Variants in SLC18B1 observed in about 807,000 individuals in gnomAD.
SLC18B1 encodes the protein MFS-type transporter SLC18B1.
In SLC18B1, 62 loss-of-function variants were observed where a neutral mutation model predicts 53.9. The ratio of observed to expected loss-of-function variants is 1.15; its 90% confidence interval spans 0.94 to 1.42. The LOEUF (loss-of-function observed/expected upper bound fraction) is 1.42, where lower values mean the gene tolerates loss of function less well. SLC18B1 is among the 40% of genes most tolerant of loss of function. SLC18B1 has a pLI of 0.00. For missense variants in SLC18B1, 598 were observed against 547.3 expected (o/e 1.09, Z -0.93); for synonymous variants, 217 against 200.9 (o/e 1.08, Z -0.68).
chr6:132,798,568 C>G lies in SLC18B1; in HGVS notation c.-112G>C, dbSNP rs1192438623. 8.8e-7 allele frequency: 1 copy of G among 1,131,294 alleles called. No homozygotes were observed. Among genetic ancestry groups the G allele is most frequent in the Non-Finnish European group, 1.2e-6 (1 of 857,802 alleles). The allele number at this position is 1,131,294 out of a possible 1,614,324, so 70.1% of individuals were successfully genotyped here. ...CGGGCGGCCGCTGCTCAGCTGGAACCTGGCATCCCCGACTCCCTGCAGGCA... is the reference window on the plus strand; with the variant it reads ...CGGGCGGCCGCTGCTCAGCTGGAACGTGGCATCCCCGACTCCCTGCAGGCA... On this transcript the variant is annotated 5_prime_UTR_variant, in exon 1 of 14. Transcript: ENST00000275227.
intron 2 of SLC18B1, among the ~76,000 whole-genome samples, chr6:132,793,630 A>G (rs1442931261): frequency 6.6e-6 from 1 of 152,214 alleles, no homozygotes; most frequent in Non-Finnish European, 1.5e-5. Flanking sequence ...TAAATGATAA[A>G]TGCCCCAGCT....
intron 6 of SLC18B1, among the ~76,000 whole-genome samples, chr6:132,779,864 G>C (rs117146387): frequency 2.6e-5 from 4 of 152,162 alleles, no homozygotes; most frequent in Non-Finnish European, 5.9e-5. Context: ...GAAGAGTAAA[G>C]GGACATTTTA....
Position 132,776,392 on chromosome 6 carries a change from A to T in SLC18B1, c.833T>A (p.Leu278Gln). 6.2e-7 allele frequency: 1 copy of T among 1,613,730 alleles called. No homozygotes were observed. Among genetic ancestry groups the T allele is most frequent in the Non-Finnish European group, 8.5e-7 (1 of 1,179,794 alleles). The change falls in exon 8 of 14, where the codon CTG (leucine) becomes CAG (glutamine). Residue 278 changes from leucine to glutamine, a missense_variant. Leu to Gln is a moderately radical substitution (Grantham distance 113). Transcript: ENST00000275227. ...LPAGYVGLVF[L>Q]GMALSYAISS... ...GATGGCATAGGACAGTGCCATACCC[A>T]GGAATACTAGTCCCACATATCCAGC...
At chr6:132,796,382 C>T (rs1781685998) in intron 2 of SLC18B1, among the ~76,000 whole-genome samples, 2 of 130,922 alleles carry the variant, frequency 1.5e-5, no homozygotes, top group Non-Finnish European at 3.1e-5. Flanking sequence ...AAAAATTACC[C>T]GGACGTGGTG....
intron 2 of SLC18B1, among the ~76,000 whole-genome samples, chr6:132,790,623 G>A (rs1446985234): frequency 6.6e-6 from 1 of 152,180 alleles, no homozygotes; most frequent in Non-Finnish European, 1.5e-5. Context: ...GGAAACAGCT[G>A]ATTCAGACAC....
chr6:132,796,608 C>T (rs576079788), intron 2 of SLC18B1, among the ~76,000 whole-genome samples: 2 of 150,912 alleles, frequency 1.3e-5, no homozygotes, highest in East Asian at 1.9e-4. Context: ...AATAAAACCT[C>T]GAGAAAATAG....
chr6:132,792,241 A>G (rs551822588), intron 2 of SLC18B1, among the ~76,000 whole-genome samples: 5 of 8,812 alleles, frequency 5.7e-4, no homozygotes, highest in Admixed American at 9.6e-4. Context: ...GAAAGAAAGA[A>G]AGAAAGAAAG....
chr6:132,792,629 T>C (rs1242749861), intron 2 of SLC18B1, among the ~76,000 whole-genome samples: 3 of 152,172 alleles, frequency 2.0e-5, no homozygotes, highest in Non-Finnish European at 4.4e-5. Context: ...GCCTCATTTA[T>C]AGATGAGGAC....
At chr6:132,793,373 T>C (rs1287703950) in intron 2 of SLC18B1, among the ~76,000 whole-genome samples, 1 of 152,246 alleles carries the variant, frequency 6.6e-6, no homozygotes, top group Non-Finnish European at 1.5e-5. Flanking sequence ...TCTTCATATT[T>C]ACAGCTTTTA....
At chr6:132,783,501 A>G (rs546878658) in intron 6 of SLC18B1, among the ~76,000 whole-genome samples, 170 of 152,262 alleles carry the variant, frequency 1.1e-3, no homozygotes, top group Middle Eastern at 0.01. Flanking sequence ...TAAAAGCACT[A>G]CTCAATGAGA....
At chr6:132,790,465 T>A (rs1262419236) in intron 2 of SLC18B1, among the ~76,000 whole-genome samples, 193 bp from the exon 3 acceptor site, 2 of 152,076 alleles carry the variant, frequency 1.3e-5, no homozygotes, top group Non-Finnish European at 2.9e-5. Flanking sequence ...TAAACCATAG[T>A]CTCTTACATG....
chr6:132,771,226 C>A (rs1780967121), intron 11 of SLC18B1, 97 bp from the exon 12 acceptor site: 2 of 1,089,526 alleles, frequency 1.8e-6, no homozygotes, highest in South Asian at 2.8e-5. Context: ...GTCTTCATTA[C>A]ATTGGAAGAT....
intron 7 of SLC18B1, among the ~76,000 whole-genome samples, chr6:132,777,735 A>G (rs1781134009): frequency 6.6e-6 from 1 of 152,222 alleles, no homozygotes; most frequent in South Asian, 2.1e-4. Flanking sequence ...AACAAAACAA[A>G]AAAGATAAAC....
chr6:132,771,179 T>A (rs373900297), intron 11 of SLC18B1, 50 bp from the exon 12 acceptor site: 7 of 1,502,760 alleles, frequency 4.7e-6, no homozygotes, highest in Middle Eastern at 1.7e-4. Flanking sequence ...AAATAAATAA[T>A]TACTTCATGA....
intron 7 of SLC18B1, among the ~76,000 whole-genome samples, chr6:132,777,861 AC>A (rs1337262999): frequency 6.6e-6 from 1 of 152,244 alleles, no homozygotes; most frequent in Non-Finnish European, 1.5e-5. Flanking sequence ...ATCTAAATGG[AC>A]TGTGTCAGTA....
At chr6:132,797,316 T>G (rs1324561213) in intron 1 of SLC18B1, among the ~76,000 whole-genome samples, 195 bp from the exon 2 acceptor site, 2 of 152,204 alleles carry the variant, frequency 1.3e-5, no homozygotes, top group African/African-American at 2.4e-5. Flanking sequence ...CGTACTGCTT[T>G]CGGCTGGGCA....
chr6:132,797,395 C>G (rs994411700), intron 1 of SLC18B1, among the ~76,000 whole-genome samples: 4 of 152,226 alleles, frequency 2.6e-5, no homozygotes, highest in African/African-American at 9.6e-5. Context: ...GTCAGGAGAT[C>G]GAGACCATCC....
intron 11 of SLC18B1, among the ~76,000 whole-genome samples, chr6:132,771,647 T>G (rs1349505384): frequency 1.3e-5 from 2 of 152,200 alleles, no homozygotes; most frequent in Non-Finnish European, 2.9e-5. Context: ...AGGCATTGAT[T>G]GTTGAGTGAA....
chr6:132,784,061 C>A lies in SLC18B1; in HGVS notation c.530G>T (p.Gly177Val). ...LGSLETFSGL[G>V]LILGPPVGGF... ...ACCTACAGGAGGACCTAGTATTAGC[C>A]CCAGTCCAGAAAAAGTCTCAAGACT... Residue 177 changes from glycine to valine, a missense_variant, in exon 6 of 14, where the codon GGG becomes GTG. Transcript: ENST00000275227. 6.3e-7 allele frequency: 1 copy of A among 1,580,580 alleles called. No homozygotes were observed. The highest frequency in any genetic ancestry group is 8.6e-7 in the Non-Finnish European group (1 of 1,168,212).
Sources: allele counts gnomAD v4.1 joint callset (sites outside exome capture counted in the v4.1 genomes callset), GRCh38; gene constraint gnomAD v4.1.1; transcripts MANE v1.5; gene names NCBI Gene and HGNC (gene_info 2026-07-23, HGNC 2026-07-21).